The following SLC15A1 variants were observed in gnomAD, a reference collection of about 807,000 sequenced individuals.
SLC15A1 encodes solute carrier family 15 member 1, also known as Caco-2 oligopeptide transporter.
In SLC15A1, 83 loss-of-function variants were observed where a neutral mutation model predicts 92.9. The ratio of observed to expected loss-of-function variants is 0.89; its 90% CI spans 0.75 to 1.07. The LOEUF (loss-of-function observed/expected upper bound fraction) is 1.07, where lower values mean the gene tolerates loss of function less well. Among genes scored for constraint, SLC15A1 ranks in the 50% least tolerant of loss-of-function variants. The pLI, the probability that SLC15A1 is intolerant of heterozygous loss-of-function variation, is 0.00. For synonymous variants in SLC15A1, 322 were observed against 318.2 expected (o/e 1.01, Z -0.13); for missense variants, 857 against 880.1 (o/e 0.97, Z 0.33).
intron 5 of SLC15A1, 136 bp downstream of exon 5, chr13:98,723,776 C>T (rs2088277431): frequency 3.3e-6 from 4 of 1,203,806 alleles, no homozygotes; most frequent in Non-Finnish European, 4.6e-6. Flanking sequence ...ATTTGACAGC[C>T]TTCTCCATGC....
At chr13:98,719,198 G>T in intron 8 of SLC15A1, 39 bp downstream of exon 8, 2 of 1,470,752 alleles carry the variant, frequency 1.4e-6, no homozygotes, top group South Asian at 1.1e-5. Context: ...GGCCTGACCT[G>T]GTCCTAGGCT....
In SLC15A1 at chr13:98,688,323, C is replaced by T. The variant is rs767033542; in HGVS notation, c.1608G>A (p.Pro536=). Residue 536 remains proline, a synonymous_variant, in exon 20 of 23, where the codon CCG becomes CCA. Coordinates refer to ENST00000376503, the MANE Select transcript of SLC15A1 (RefSeq NM_005073.4). ...TATTGAAATTAGGTTGACATTGTGG[C>T]GGAATCTCTGTTGAGCTTATTGTGA... ...KGFTISSTEI[P]PQCQPNFNTF... 41 of 1,613,786 alleles carry T rather than the reference C, an allele frequency of 2.5e-5. No individual in the cohort carries two copies. The highest frequency in any genetic ancestry group is 2.3e-4 in the South Asian group (21 of 91,072).
At chr13:98,724,313 G>T (rs1437763355) in intron 4 of SLC15A1, among the ~76,000 whole-genome samples, 1 of 152,074 alleles carries the variant, frequency 6.6e-6, no homozygotes, top group African/African-American at 2.4e-5. Flanking sequence ...ACACCAGCCT[G>T]GGCAACATAG....
intron 11 of SLC15A1, among the ~76,000 whole-genome samples, chr13:98,710,932 C>T (rs905071482): frequency 6.6e-6 from 1 of 151,716 alleles, no homozygotes; most frequent in Non-Finnish European, 1.5e-5. Flanking sequence ...GGGTGATTAG[C>T]ACCCTTTGGA....
At chr13:98,693,157 GCA>G (rs935606539) in intron 18 of SLC15A1, among the ~76,000 whole-genome samples, 17 of 134,556 alleles carry the variant, frequency 1.3e-4, no homozygotes, top group African/African-American at 4.5e-4. Context: ...GAGAGCCATG[GCA>G]CAGTCTCAGC....
At chr13:98,752,494 G>T (rs1000908396) in intron 1 of SLC15A1, 101 bp downstream of exon 1, 2 of 1,123,568 alleles carry the variant, frequency 1.8e-6, no homozygotes, top group African/African-American at 1.6e-5. Context: ...CCCGCTTCCC[G>T]CCGCCGCGTA....
At position 98,706,218 on chromosome 13, in the gene SLC15A1, G is replaced by C; in HGVS notation, c.1185C>G (p.Val395=). ...TTCCTATATTCAAAACTTTAATTTG[G>C]ACTTCGTTTCCTTTGGGGAAGACTG... The part of the protein sequence containing the change: ...TLPVFPKGNE[V]QIKVLNIGNN... The change falls in exon 16 of 23, where the codon GTC becomes GTG. Residue 395 remains valine, a synonymous_variant. Coordinates refer to ENST00000376503, the MANE Select transcript of SLC15A1 (RefSeq NM_005073.4). The C allele has an allele frequency of 6.2e-7, 1 of 1,613,448 alleles. No homozygotes were observed. The highest frequency in any genetic ancestry group is 1.1e-5 in the South Asian group (1 of 90,858).
chr13:98,704,213 A>G, intron 17 of SLC15A1, 76 bp downstream of exon 17: 2 of 1,440,230 alleles, frequency 1.4e-6, no homozygotes. Flanking sequence ...GGAGTAAAAC[A>G]AAGTCACACC....
At chr13:98,733,786 A>G (rs751190278) in intron 1 of SLC15A1, among the ~76,000 whole-genome samples, 2 of 152,096 alleles carry the variant, frequency 1.3e-5, no homozygotes, top group Non-Finnish European at 2.9e-5. Context: ...CTGGGCTTCC[A>G]TTTCTTCATC....
rs780464938 is a variant in SLC15A1 at position 98,712,527 on chromosome 13, A to G, written c.781T>C (p.Trp261Arg). The stretch of plus-strand genomic sequence containing the variant: ...TATTTCTCTTTAGCCCAGTCCAGCC[A>G]GTGCTCCCTCTTGGGAAATGCCTTA... ...RSKAFPKREH[W>R]LDWAKEKYDE... is the part of the protein sequence containing the mutation. The change falls in exon 10 of 23, where the codon TGG becomes CGG. Residue 261 changes from tryptophan (W) to arginine (R), a missense_variant. Transcript: ENST00000376503. The G allele has an allele frequency of 1.2e-6, 2 of 1,612,014 alleles. No homozygotes were observed. Among genetic ancestry groups the G allele is most frequent in the South Asian group, 1.1e-5 (1 of 90,438 alleles).
chr13:98,707,894 A>T lies in SLC15A1; in HGVS notation c.1149+792T>A, dbSNP rs1426140158. ...GGCGACAGAGTGAGACCCTGTTTAAAAAAAAAAAAAAAAAAAAAAAAAAAA... is the reference window on the plus strand; with the variant it reads ...GGCGACAGAGTGAGACCCTGTTTAATAAAAAAAAAAAAAAAAAAAAAAAAA... On this transcript the variant is annotated intron_variant, in intron 15 of 22. Coordinates refer to ENST00000376503, the MANE Select transcript of SLC15A1 (RefSeq NM_005073.4). Among the ~76,000 whole-genome samples, 386 of 41,032 alleles carry T rather than the reference A, an allele frequency of 9.4e-3. 10 individuals are homozygous for T. The highest frequency in any genetic ancestry group is 0.016 in the Middle Eastern group (1 of 64). 26.9% of individuals were successfully genotyped at this position (41,032 alleles called of 152,430 possible).
At chr13:98,701,128 T>C (rs2088063562) in intron 18 of SLC15A1, among the ~76,000 whole-genome samples, 1 of 151,662 alleles carries the variant, frequency 6.6e-6, no homozygotes, top group Admixed American at 6.6e-5. Context: ...TGGGGAAAAA[T>C]GACATCTTTA....
chr13:98,695,306 C>T (rs1363125870), intron 18 of SLC15A1, among the ~76,000 whole-genome samples: 4 of 152,144 alleles, frequency 2.6e-5, no homozygotes, highest in African/African-American at 7.2e-5. Flanking sequence ...AGGCTGGCTT[C>T]GAACTCCTGA....
chr13:98,742,820 G>C (rs1286298374), intron 1 of SLC15A1, among the ~76,000 whole-genome samples: 1 of 152,172 alleles, frequency 6.6e-6, no homozygotes, highest in African/African-American at 2.4e-5. Context: ...CTGTTGCCCA[G>C]GCTGCAGTGC....
chr13:98,698,707 G>A (rs577305294), intron 18 of SLC15A1, among the ~76,000 whole-genome samples: 1 of 152,272 alleles, frequency 6.6e-6, no homozygotes, highest in African/African-American at 2.4e-5. Context: ...AAAGTGCTGG[G>A]ATTACAGGCA....
At chr13:98,719,423 T>C in intron 7 of SLC15A1, 103 bp from the exon 8 acceptor site, 1 of 810,816 alleles carries the variant, frequency 1.2e-6, no homozygotes, top group Non-Finnish European at 2.1e-6. Flanking sequence ...TGCTTTCACA[T>C]ACTGTTCTAG....
At chr13:98,709,697 T>C (rs2088145386) in intron 13 of SLC15A1, 37 bp from the exon 14 acceptor site, 1 of 1,614,142 alleles carries the variant, frequency 6.2e-7, no homozygotes, top group Admixed American at 1.7e-5. Flanking sequence ...TAAGCTTGTC[T>C]CAAAGACGAC....
At chr13:98,748,442 C>A (rs531361063) in intron 1 of SLC15A1, among the ~76,000 whole-genome samples, 1 of 152,114 alleles carries the variant, frequency 6.6e-6, no homozygotes, top group Non-Finnish European at 1.5e-5. Context: ...AGGTGCGCAC[C>A]GCCATGCCCA....
At chr13:98,730,525 A>G (rs2088342198) in intron 1 of SLC15A1, among the ~76,000 whole-genome samples, 1 of 152,054 alleles carries the variant, frequency 6.6e-6, no homozygotes, top group African/African-American at 2.4e-5. Context: ...CCTGCGGCCG[A>G]GTTTCATGCT....
Sources: gnomAD v4.1 joint callset for allele counts (sites outside exome capture counted in the v4.1 genomes callset) on GRCh38, gnomAD v4.1.1 for gene constraint, MANE v1.5 for transcripts, NCBI Gene and HGNC (gene_info 2026-07-23, HGNC 2026-07-21) for gene names.